The following RBFOX1 variants were observed in gnomAD, a reference collection of about 807,000 sequenced individuals.
RBFOX1 encodes the protein RNA binding protein fox-1 homolog 1.
Under a neutral mutation model 57.7 loss-of-function variants are expected in RBFOX1, and 8 were observed. The observed-to-expected ratio is 0.14, with a 90% CI of 0.08 to 0.25. RBFOX1 has a LOEUF of 0.25. RBFOX1 is among the 10% of genes least tolerant of loss of function. RBFOX1 has a pLI of 1.00. For missense variants in RBFOX1, 611 were observed against 548.5 expected (o/e 1.11, Z -1.14); for synonymous variants, 326 against 222.4 (o/e 1.47, Z -4.15).
chr16:6,643,879 A>C (rs2098512009), intron 2 of RBFOX1, among the ~76,000 whole-genome samples: 1 of 152,138 alleles, frequency 6.6e-6, no homozygotes, highest in Non-Finnish European at 1.5e-5. Context: ...TAATCCCAGC[A>C]CTTTCGGAGG....
intron 4 of RBFOX1, among the ~76,000 whole-genome samples, chr16:7,504,127 G>C (rs2071947797): frequency 6.6e-6 from 1 of 152,058 alleles, no homozygotes; most frequent in African/African-American, 2.4e-5. Context: ...AATTGGGTTG[G>C]TACAAATTTC....
chr16:6,870,373 C>G (rs144247816), intron 3 of RBFOX1, among the ~76,000 whole-genome samples: 350 of 152,280 alleles, frequency 2.3e-3, no homozygotes, highest in African/African-American at 8.3e-3. Context: ...ATTGGATTTT[C>G]ACATATCTCA....
At chr16:7,573,690 C>A (rs1308347758) in intron 5 of RBFOX1, among the ~76,000 whole-genome samples, 1 of 152,026 alleles carries the variant, frequency 6.6e-6, no homozygotes, top group Non-Finnish European at 1.5e-5. Context: ...AAAAATGAGC[C>A]AGGCACAGTG....
At position 7,365,252 on chromosome 16, in the gene RBFOX1, C is replaced by G. The variant is rs534364440; in HGVS notation, c.28-152895C>G. On this transcript the variant is annotated intron_variant, in intron 4 of 15. Coordinates refer to ENST00000550418, the MANE Select transcript of RBFOX1 (RefSeq NM_018723.4). ...AGAAACCAGAGAAACAGATGATACA[C>G]TCAATGGGGTAATAAATATGTAAAG... Among the ~76,000 whole-genome samples, 27 of 152,266 alleles carry G rather than the reference C, an allele frequency of 1.8e-4. No individual in the cohort carries two copies. In the South Asian group the frequency reaches 5.2e-3, roughly 29 times the overall value.
intron 1 of RBFOX1, among the ~76,000 whole-genome samples, chr16:6,282,764 T>C (rs1201003482): frequency 6.6e-6 from 1 of 152,134 alleles, no homozygotes; most frequent in Non-Finnish European, 1.5e-5. Context: ...CTTTAAACAA[T>C]CTCTTAGCTT....
intron 3 of RBFOX1, among the ~76,000 whole-genome samples, chr16:6,985,821 G>GT (rs1338946842): frequency 1.2e-5 from 1 of 83,310 alleles, no homozygotes; most frequent in Non-Finnish European, 2.2e-5. Flanking sequence ...GCCACAGAGC[G>GT]TGAGTTCATG....
intron 1 of RBFOX1, among the ~76,000 whole-genome samples, chr16:6,172,304 A>G (rs2096967072): frequency 6.6e-6 from 1 of 152,156 alleles, no homozygotes; most frequent in African/African-American, 2.4e-5. Context: ...ATCTTCTGCA[A>G]GTTGCTCTGG....
intron 1 of RBFOX1, among the ~76,000 whole-genome samples, chr16:5,293,250 A>C (rs1157208741): frequency 1.3e-5 from 2 of 152,048 alleles, no homozygotes; most frequent in Non-Finnish European, 2.9e-5. Context: ...TGAACCTGGG[A>C]GGTGGAGGTG....
chr16:5,241,585 C>A (rs1410114837), intron 1 of RBFOX1, among the ~76,000 whole-genome samples: 4 of 152,200 alleles, frequency 2.6e-5, no homozygotes, highest in Non-Finnish European at 5.9e-5. Context: ...TGGCACACGC[C>A]AGTTACCCTG....
chr16:5,700,126 C>T (rs1293169929), intron 3 of RBFOX1, among the ~76,000 whole-genome samples: 1 of 152,220 alleles, frequency 6.6e-6, no homozygotes, highest in East Asian at 1.9e-4. Flanking sequence ...GCCACCATGC[C>T]TGGCCAGTGT....
chr16:6,236,959 C>A (rs1259607271), intron 1 of RBFOX1, among the ~76,000 whole-genome samples: 1 of 152,126 alleles, frequency 6.6e-6, no homozygotes, highest in Non-Finnish European at 1.5e-5. Context: ...TATTTGGCCC[C>A]ATTGTAGGTC....
intron 3 of RBFOX1, among the ~76,000 whole-genome samples, chr16:5,764,436 C>G (rs1177201672): frequency 2.0e-5 from 3 of 152,126 alleles, no homozygotes; most frequent in African/African-American, 7.2e-5. Flanking sequence ...AACCCCTTTT[C>G]TTTTTATTAT....
At chr16:6,914,750 T>C (rs1302077343) in intron 3 of RBFOX1, among the ~76,000 whole-genome samples, 1 of 152,128 alleles carries the variant, frequency 6.6e-6, no homozygotes, top group African/African-American at 2.4e-5. Flanking sequence ...GGTGTGCACC[T>C]GTAGTCCCAG....
chr16:7,167,681 A>G (rs924383087), intron 4 of RBFOX1, among the ~76,000 whole-genome samples: 2 of 152,228 alleles, frequency 1.3e-5, no homozygotes, highest in African/African-American at 4.8e-5. Context: ...AGAGGGCTGC[A>G]AACTAAGGCC....
At chr16:7,093,589 G>A (rs888958893) in intron 4 of RBFOX1, among the ~76,000 whole-genome samples, 6 of 152,184 alleles carry the variant, frequency 3.9e-5, no homozygotes, top group African/African-American at 1.2e-4. Context: ...ACTTCTCGTT[G>A]ATTAGAGGGA....
chr16:5,387,085 A>G (rs879645305), intron 1 of RBFOX1, among the ~76,000 whole-genome samples: 2 of 152,214 alleles, frequency 1.3e-5, no homozygotes, highest in Admixed American at 6.5e-5. Context: ...GTTTGGTTGC[A>G]TTACTACTTG....
At chr16:6,878,813 G>T (rs1567683787) in intron 3 of RBFOX1, among the ~76,000 whole-genome samples, 2 of 152,162 alleles carry the variant, frequency 1.3e-5, no homozygotes, top group Non-Finnish European at 2.9e-5. Context: ...ACAAAGTATA[G>T]AAAGGGGTTT....
intron 4 of RBFOX1, among the ~76,000 whole-genome samples, chr16:7,411,702 G>C (rs973635776): frequency 6.6e-6 from 1 of 152,096 alleles, no homozygotes; most frequent in African/African-American, 2.4e-5. Flanking sequence ...TTGGGAGTTT[G>C]AGACCAGCCT....
chr16:7,484,854 T>C (rs1000458430), intron 4 of RBFOX1, among the ~76,000 whole-genome samples: 10 of 152,204 alleles, frequency 6.6e-5, no homozygotes, highest in Non-Finnish European at 1.0e-4. Flanking sequence ...TTTTTTCTGA[T>C]TTAATGGCCA....
Sources: gnomAD v4.1 joint callset for allele counts (sites outside exome capture counted in the v4.1 genomes callset) on GRCh38, gnomAD v4.1.1 for gene constraint, MANE v1.5 for transcripts, NCBI Gene and HGNC (gene_info 2026-07-23, HGNC 2026-07-21) for gene names.